SOX5: variants seen among roughly 807,000 people sequenced by gnomAD.
SOX5 encodes transcription factor SOX-5.
A neutral mutation model predicts 92.0 loss-of-function variants in SOX5; 9 were observed. The observed-to-expected ratio is 0.10, with a 90% CI of 0.06 to 0.17. SOX5 has a LOEUF of 0.17. Ranked by LOEUF, SOX5 falls within the 10% of genes least tolerant of loss-of-function variation. The pLI is 1.00. For synonymous variants in SOX5, 344 were observed against 336.3 expected, an observed-to-expected ratio of 1.02 and a Z score of -0.25; for missense variants, 642 against 944.5, an observed-to-expected ratio of 0.68 and a Z score of 4.20.
intron 1 of SOX5, among the ~76,000 whole-genome samples, chr12:24,449,567 A>G (rs1180492554): frequency 3.9e-5 from 6 of 152,170 alleles, no homozygotes; most frequent in Admixed American, 3.9e-4. Flanking sequence ...GAGTTTTCTG[A>G]GAACAGGAAC....
chr12:23,650,989 G>C lies in SOX5; in HGVS notation c.932-10092C>G, dbSNP rs189933083. On this transcript the variant is annotated intron_variant, in intron 7 of 14. Coordinates refer to ENST00000451604, the MANE Select transcript of SOX5 (RefSeq NM_006940.6). ...GAGAATAGCTTTGGGAGACAGACTT[G>C]ATAACTGATTTGATGAAGTAAAAGA... is the stretch of plus-strand genomic sequence containing the variant. Among the ~76,000 whole-genome samples the C allele has an allele frequency of 1.7e-3, 260 of 152,146 alleles. 1 individual carries two copies. Among genetic ancestry groups the C allele is most frequent in the Admixed American group, 3.5e-3 (53 of 15,264 alleles).
intron 1 of SOX5, among the ~76,000 whole-genome samples, chr12:24,480,511 G>C (rs4343119): frequency 6.6e-6 from 1 of 152,030 alleles, no homozygotes; most frequent in African/African-American, 2.4e-5. Flanking sequence ...CTACCCACCT[G>C]ACAAGAGATT....
rs187991511 is a variant in SOX5 at position 24,101,550 on chromosome 12, A to G, written c.-2+111793T>C. Among the ~76,000 whole-genome samples the G allele has an allele frequency of 9.2e-5, 14 of 152,290 alleles. No individual in the cohort carries two copies. In the East Asian group the frequency reaches 1.9e-3, roughly 21 times the overall value. On this transcript the variant is annotated intron_variant, in intron 4 of 4. Transcript: ENST00000446891. ...TTTGATTTGTGTTTTCCCTGTTTGC[A>G]GTTCAGTTCCAGACACATAGTAGAT...
chr12:23,877,946 C>T (rs1223222751), intron 2 of SOX5, among the ~76,000 whole-genome samples: 1 of 151,610 alleles, frequency 6.6e-6, no homozygotes, highest in Admixed American at 6.6e-5. Flanking sequence ...TTTTCTTATG[C>T]TTTTCGGGTT....
At chr12:23,612,039 T>C (rs1246681758) in intron 8 of SOX5, among the ~76,000 whole-genome samples, 1 of 152,110 alleles carries the variant, frequency 6.6e-6, no homozygotes, top group Non-Finnish European at 1.5e-5. Flanking sequence ...TGTTATTATC[T>C]GAATGGAGAG....
intron 4 of SOX5, among the ~76,000 whole-genome samples, chr12:24,175,910 C>A (rs767629257): frequency 6.6e-6 from 1 of 151,846 alleles, no homozygotes; most frequent in Non-Finnish European, 1.5e-5. Context: ...AAAAGGGACC[C>A]GAACAGCCAA....
chr12:23,758,541 T>A (rs911114559), intron 3 of SOX5, among the ~76,000 whole-genome samples: 3 of 152,000 alleles, frequency 2.0e-5, no homozygotes, highest in South Asian at 2.1e-4. Context: ...GAATTAGATA[T>A]TGGTACATCT....
intron 1 of SOX5, among the ~76,000 whole-genome samples, chr12:24,491,668 G>T (rs1947090766): frequency 6.6e-6 from 1 of 152,082 alleles, no homozygotes; most frequent in Non-Finnish European, 1.5e-5. Flanking sequence ...AAAAAGGAAT[G>T]AATATATCAA....
intron 3 of SOX5, among the ~76,000 whole-genome samples, chr12:24,228,335 TTCTC>T (rs1290901916): frequency 2.0e-5 from 3 of 152,210 alleles, no homozygotes; most frequent in Non-Finnish European, 1.5e-5. Flanking sequence ...AATATCTGGT[TTCTC>T]TCTATCAAAA....
chr12:23,736,592 T>A (rs989429770), intron 5 of SOX5, among the ~76,000 whole-genome samples: 7 of 152,008 alleles, frequency 4.6e-5, no homozygotes, highest in Admixed American at 3.3e-4. Flanking sequence ...CGCAAAAAAA[T>A]TTATTTCCCT....
At chr12:24,324,465 T>C (rs1257928534) in intron 2 of SOX5, among the ~76,000 whole-genome samples, 1 of 152,152 alleles carries the variant, frequency 6.6e-6, no homozygotes, top group Non-Finnish European at 1.5e-5. Context: ...GGCAACTCTA[T>C]ATATAGTTGC....
chr12:23,926,676 T>C (rs1940042335), intron 1 of SOX5, among the ~76,000 whole-genome samples: 2 of 152,118 alleles, frequency 1.3e-5, no homozygotes, highest in African/African-American at 4.8e-5. Context: ...ACATACATTT[T>C]TGTCCTACAA....
intron 1 of SOX5, among the ~76,000 whole-genome samples, chr12:24,553,689 G>A (rs1219854685): frequency 6.6e-6 from 1 of 152,252 alleles, no homozygotes; most frequent in African/African-American, 2.4e-5. Context: ...ACACAAGGCA[G>A]AGTGGACAGT....
At chr12:23,674,146 GAA>G (rs2085261194) in intron 6 of SOX5, among the ~76,000 whole-genome samples, 1 of 151,880 alleles carries the variant, frequency 6.6e-6, no homozygotes, top group Admixed American at 6.6e-5. Flanking sequence ...TATGAATGAG[GAA>G]AACTGATAAG....
intron 3 of SOX5, among the ~76,000 whole-genome samples, chr12:24,241,645 C>T (rs876643): frequency 0.26 from 39,665 of 151,994 alleles, 6,001 homozygotes; most frequent in East Asian, 0.73. Context: ...GGAGAAGACA[C>T]TGAAAAATGT....
Position 24,263,546 on chromosome 12 carries a change from A to AAC in SOX5, c.-77+13669_-77+13670insGT, listed in dbSNP as rs1407611987. ...CCGTCTCAAAAAAAAAAAAACAAAAAAAAAAACAAAAACAAGAAATTACTA... is the reference window on the plus strand; with the variant it reads ...CCGTCTCAAAAAAAAAAAAACAAAAAACAAAAAACAAAAACAAGAAATTACTA... On this transcript the variant is annotated intron_variant, in intron 3 of 4. Coordinates refer to the SOX5 transcript ENST00000446891. Among the ~76,000 whole-genome samples the AAC allele has an allele frequency of 4.8e-5, 7 of 145,920 alleles. No individual in the cohort carries two copies. In the East Asian group the frequency reaches 1.4e-3, roughly 29 times the overall value.
intron 9 of SOX5, among the ~76,000 whole-genome samples, chr12:23,579,623 C>T (rs367588638): frequency 1.3e-5 from 2 of 152,022 alleles, no homozygotes; most frequent in African/African-American, 2.4e-5. Context: ...CAATTTATTT[C>T]TGGCATGCAT....
At chr12:24,423,476 G>A (rs1966244155) in intron 1 of SOX5, among the ~76,000 whole-genome samples, 2 of 152,126 alleles carry the variant, frequency 1.3e-5, no homozygotes, top group Non-Finnish European at 2.9e-5. Flanking sequence ...GCTCAAAGAC[G>A]GGTTTTCATG....
At chr12:24,307,864 T>C (rs979319986) in intron 2 of SOX5, among the ~76,000 whole-genome samples, 1 of 152,068 alleles carries the variant, frequency 6.6e-6, no homozygotes, top group African/African-American at 2.4e-5. Context: ...ATTACTGTTA[T>C]AGTAGGTAGC....
Sources: allele counts gnomAD v4.1 joint callset (sites outside exome capture counted in the v4.1 genomes callset), GRCh38; gene constraint gnomAD v4.1.1; transcripts MANE v1.5; gene names NCBI Gene and HGNC (gene_info 2026-07-23, HGNC 2026-07-21).